GPR39: variants seen among roughly 807,000 people sequenced by gnomAD.
The protein encoded by GPR39 is G protein-coupled receptor 39.
A neutral mutation model predicts 18.4 loss-of-function variants in GPR39; 23 were observed. The ratio of observed to expected loss-of-function variants is 1.25; its 90% CI spans 0.90 to 1.77. The LOEUF (loss-of-function observed/expected upper bound fraction) is 1.77, where lower values mean the gene tolerates loss of function less well. Among genes scored for constraint, GPR39 ranks in the 40% most tolerant of loss-of-function variants. The pLI is 0.00. For synonymous variants in GPR39, 280 were observed against 257.9 expected (o/e 1.09, Z -0.82); for missense variants, 647 against 602.4 (o/e 1.07, Z -0.78).
rs146242126 is a variant in GPR39, at chr2:132,511,726, C to T, written c.856+93828C>T. Reference sequence around the variant, plus strand: ...ACAGCAAACACTGACTTAATATGTACTACGTGCCAGGCATTATTGATTAAG... The same window carrying T: ...ACAGCAAACACTGACTTAATATGTATTACGTGCCAGGCATTATTGATTAAG... On this transcript the variant is annotated intron_variant, in intron 1 of 1. Coordinates refer to ENST00000329321, the MANE Select transcript of GPR39 (RefSeq NM_001508.3). Among the ~76,000 whole-genome samples, 1,065 of 152,250 alleles carry T rather than the reference C, an allele frequency of 7.0e-3. 16 individuals are homozygous for T. The highest frequency in any genetic ancestry group is 0.024 in the African/African-American group (1,010 of 41,546).
At chr2:132,459,819 T>C (rs1330462301) in intron 1 of GPR39, among the ~76,000 whole-genome samples, 2 of 152,228 alleles carry the variant, frequency 1.3e-5, no homozygotes, top group African/African-American at 4.8e-5. Flanking sequence ...TATATGACAC[T>C]GAGCAATGTC....
chr2:132,502,644 A>G (rs1442660420), intron 1 of GPR39, among the ~76,000 whole-genome samples: 5 of 152,168 alleles, frequency 3.3e-5, no homozygotes, highest in Non-Finnish European at 7.4e-5. Context: ...GTTTTTCTCA[A>G]TTATTCCCTC....
At chr2:132,451,260 C>T (rs932166473) in intron 1 of GPR39, among the ~76,000 whole-genome samples, 1 of 152,142 alleles carries the variant, frequency 6.6e-6, no homozygotes, top group African/African-American at 2.4e-5. Context: ...CTCACCGCCA[C>T]TCTCCCATTA....
At chr2:132,631,171 A>T (rs1012318641) in intron 1 of GPR39, among the ~76,000 whole-genome samples, 1 of 152,190 alleles carries the variant, frequency 6.6e-6, no homozygotes, top group Non-Finnish European at 1.5e-5. Flanking sequence ...CAAGTGAGAT[A>T]ACAGATGAAG....
intron 1 of GPR39, among the ~76,000 whole-genome samples, chr2:132,421,260 T>A (rs980284236): frequency 5.3e-5 from 8 of 152,218 alleles, no homozygotes; most frequent in Non-Finnish European, 8.8e-5. Context: ...TGGACACTTG[T>A]GTGTGTCTAT....
intron 1 of GPR39, among the ~76,000 whole-genome samples, chr2:132,562,299 C>T (rs115819852): frequency 0.013 from 1,960 of 152,202 alleles, 50 homozygotes; most frequent in African/African-American, 0.045. Flanking sequence ...ATATTTGATC[C>T]CCTGTTCAAA....
intron 1 of GPR39, among the ~76,000 whole-genome samples, chr2:132,512,302 A>G (rs1679255138): frequency 6.6e-6 from 1 of 152,098 alleles, no homozygotes; most frequent in Admixed American, 6.6e-5. Flanking sequence ...GGCTCAGCAC[A>G]CCTCCCCAGG....
At chr2:132,626,944 C>A (rs1681554343) in intron 1 of GPR39, among the ~76,000 whole-genome samples, 1 of 152,188 alleles carries the variant, frequency 6.6e-6, no homozygotes, top group Non-Finnish European at 1.5e-5. Flanking sequence ...AGAAATAATT[C>A]TTTCTCCTTC....
At chr2:132,634,464 G>T (rs1305525954) in intron 1 of GPR39, among the ~76,000 whole-genome samples, 2 of 152,160 alleles carry the variant, frequency 1.3e-5, no homozygotes, top group Non-Finnish European at 1.5e-5. Flanking sequence ...ATAGGCATAA[G>T]GAGGGAGGGG....
chr2:132,571,166 T>G (rs1035182673), intron 1 of GPR39, among the ~76,000 whole-genome samples: 10 of 152,218 alleles, frequency 6.6e-5, no homozygotes, highest in African/African-American at 1.2e-4. Context: ...TAAGAAGCGA[T>G]TAAACAAAGA....
At chr2:132,421,728 T>A (rs1573593619) in intron 1 of GPR39, among the ~76,000 whole-genome samples, 1 of 152,302 alleles carries the variant, frequency 6.6e-6, no homozygotes, top group Non-Finnish European at 1.5e-5. Context: ...ATTTGTGGCA[T>A]GGTTCAGGGA....
intron 1 of GPR39, among the ~76,000 whole-genome samples, chr2:132,442,509 G>A (rs902191428): frequency 6.6e-6 from 1 of 152,122 alleles, no homozygotes; most frequent in African/African-American, 2.4e-5. Context: ...CTTCATCTCT[G>A]GTCCTGCGTC....
intron 1 of GPR39, among the ~76,000 whole-genome samples, chr2:132,454,100 T>G (rs555879837): frequency 2.6e-5 from 4 of 152,372 alleles, no homozygotes; most frequent in Non-Finnish European, 4.4e-5. Flanking sequence ...ATATTGATTC[T>G]TCCTATCCAT....
At chr2:132,505,772 A>T (rs1384426693) in intron 1 of GPR39, among the ~76,000 whole-genome samples, 1 of 152,218 alleles carries the variant, frequency 6.6e-6, no homozygotes, top group Admixed American at 6.5e-5. Flanking sequence ...TTGTGTATAT[A>T]TGTCACATTT....
intron 1 of GPR39, among the ~76,000 whole-genome samples, chr2:132,539,529 A>C (rs1477333795): frequency 6.6e-6 from 1 of 152,184 alleles, no homozygotes; most frequent in African/African-American, 2.4e-5. Context: ...CTAGAGTGTT[A>C]GGGAGAATAT....
intron 1 of GPR39, among the ~76,000 whole-genome samples, chr2:132,483,123 G>T (rs1258714424): frequency 1.3e-5 from 2 of 152,306 alleles, no homozygotes; most frequent in African/African-American, 4.8e-5. Flanking sequence ...TAAAATGAGA[G>T]ACCTAATAAT....
intron 1 of GPR39, among the ~76,000 whole-genome samples, chr2:132,524,679 A>T (rs1679479130): frequency 6.6e-6 from 1 of 152,180 alleles, no homozygotes; most frequent in Admixed American, 6.5e-5. Flanking sequence ...ATACCCAGAG[A>T]ATAAATCCAA....
intron 1 of GPR39, among the ~76,000 whole-genome samples, chr2:132,574,420 G>A (rs892426956): frequency 3.9e-5 from 6 of 152,058 alleles, no homozygotes; most frequent in Non-Finnish European, 8.8e-5. Flanking sequence ...ATAGTTCACA[G>A]GAACTCTTTA....
chr2:132,513,331 C>T (rs567285216), intron 1 of GPR39, among the ~76,000 whole-genome samples: 24 of 152,230 alleles, frequency 1.6e-4, no homozygotes, highest in Admixed American at 5.2e-4. Flanking sequence ...GGCGAGGTGG[C>T]GGGCGCCTGT....
Sources: gnomAD v4.1 joint callset for allele counts (sites outside exome capture counted in the v4.1 genomes callset) on GRCh38, gnomAD v4.1.1 for gene constraint, MANE v1.5 for transcripts, NCBI Gene and HGNC (gene_info 2026-07-23, HGNC 2026-07-21) for gene names.